The following NPAS2 variants were observed in gnomAD, a reference collection of about 807,000 sequenced individuals.
NPAS2 encodes the protein neuronal PAS domain protein 2, also known as neuronal PAS domain-containing protein 2.
NPAS2 carries 23 observed loss-of-function variants against 107.5 expected under a neutral mutation model. The observed-to-expected ratio is 0.21, with a 90% confidence interval of 0.15 to 0.30. The LOEUF is 0.30. Among genes scored for constraint, NPAS2 ranks in the 10% least tolerant of loss-of-function variants. The probability of loss-of-function intolerance (pLI) is 1.00; values close to 1 mark genes in which losing one functional copy is unlikely to be tolerated. For synonymous variants in NPAS2, 403 were observed against 417.5 expected (o/e 0.97, Z 0.42); for missense variants, 756 against 1,043.3 (o/e 0.72, Z 3.79).
intron 1 of NPAS2, among the ~76,000 whole-genome samples, chr2:100,831,084 G>A (rs1175325359): frequency 6.6e-6 from 1 of 152,094 alleles, no homozygotes; most frequent in African/African-American, 2.4e-5. Flanking sequence ...TGGATCACCT[G>A]AGGTCAGGAG....
intron 1 of NPAS2, among the ~76,000 whole-genome samples, chr2:100,850,725 G>A (rs1678113858): frequency 6.6e-6 from 1 of 152,030 alleles, no homozygotes; most frequent in African/African-American, 2.4e-5. Flanking sequence ...GGCCGAGGTG[G>A]GAGGATCACT....
At chr2:100,952,139 A>G (rs1414845713) in intron 7 of NPAS2, among the ~76,000 whole-genome samples, 44 of 148,002 alleles carry the variant, frequency 3.0e-4, no homozygotes, top group African/African-American at 9.3e-4. Context: ...GCGACAGAGC[A>G]AGACTCTGTC....
chr2:100,975,345 A>C, intron 13 of NPAS2, 113 bp from the exon 14 acceptor site: 1 of 917,276 alleles, frequency 1.1e-6, no homozygotes, highest in Non-Finnish European at 1.7e-6. Context: ...TTCCTTTATC[A>C]GAGATCCCAA....
chr2:100,947,428 G>C (rs765445437), intron 5 of NPAS2, among the ~76,000 whole-genome samples: 2 of 152,006 alleles, frequency 1.3e-5, no homozygotes, highest in African/African-American at 4.8e-5. Flanking sequence ...GCAAACACCT[G>C]TAGTTTCAGC....
chr2:100,891,878 T>C (rs1345311005), intron 1 of NPAS2, among the ~76,000 whole-genome samples: 55 of 152,214 alleles, frequency 3.6e-4, no homozygotes, highest in Admixed American at 3.6e-3. Flanking sequence ...AACAGTTCCA[T>C]GGAGGGAGAT....
intron 1 of NPAS2, among the ~76,000 whole-genome samples, chr2:100,865,720 G>T (rs374913429): frequency 1.3e-5 from 2 of 152,288 alleles, no homozygotes; most frequent in South Asian, 4.1e-4. Context: ...GCACATGCAG[G>T]AAGTCATGCT....
At chr2:100,913,873 T>G (rs1218626204) in intron 2 of NPAS2, among the ~76,000 whole-genome samples, 1 of 152,206 alleles carries the variant, frequency 6.6e-6, no homozygotes, top group Non-Finnish European at 1.5e-5. Context: ...AAAGTATTCT[T>G]GGCACAGGGT....
chr2:100,947,172 G>A (rs1674946712), intron 5 of NPAS2, among the ~76,000 whole-genome samples: 1 of 152,174 alleles, frequency 6.6e-6, no homozygotes, highest in African/African-American at 2.4e-5. Context: ...AGAGAGAGGT[G>A]CCTGTCTCCT....
intron 3 of NPAS2, among the ~76,000 whole-genome samples, chr2:100,925,967 G>C (rs769665244): frequency 1.4e-4 from 22 of 151,976 alleles, no homozygotes; most frequent in South Asian, 1.0e-3. Context: ...CCAGATCCTG[G>C]CAACCACGAA....
rs559106889 is a variant in NPAS2, at chr2:100,990,906, C to A, written c.2111+34C>A. On this transcript the variant is annotated intron_variant, in intron 19 of 20. Transcript: ENST00000335681. ...ACCCTGGCGGGAGGCAGGAGGCAAG[C>A]GCTGGTGGAATGGTTCCAGGCTGGC... The A allele has an allele frequency of 2.1e-4, 324 of 1,579,872 alleles. 6 individuals are homozygous for A. In the South Asian group the frequency reaches 3.5e-3, roughly 17 times the overall value.
At chr2:100,974,155 T>C (rs935154586) in intron 12 of NPAS2, among the ~76,000 whole-genome samples, 2 of 152,164 alleles carry the variant, frequency 1.3e-5, no homozygotes, top group African/African-American at 4.8e-5. Flanking sequence ...ACCCAGCCCC[T>C]GTTTTCATGT....
intron 4 of NPAS2, chr2:100,934,001 A>G (rs1378641223): frequency 6.6e-6 from 1 of 152,254 alleles, no homozygotes; most frequent in Non-Finnish European, 1.5e-5. Context: ...CAGAAAACAG[A>G]AAGTACTGGA....
chr2:100,914,334 A>C (rs1682737759), intron 2 of NPAS2, among the ~76,000 whole-genome samples: 1 of 152,180 alleles, frequency 6.6e-6, no homozygotes, highest in Admixed American at 6.5e-5. Context: ...CTGCAAGTAC[A>C]ACCCTCCTCT....
rs780376403 is a variant in NPAS2, at chr2:100,995,585, C to T, written c.*3C>T. The T allele has an allele frequency of 6.2e-7, 1 of 1,602,776 alleles. No homozygotes were observed. The highest frequency in any genetic ancestry group is 2.2e-5 in the East Asian group (1 of 44,726). ...GCCTCCAGCAGCCGCCCCGATAATG[C>T]CCCGGCACTGAAGTCGGGACACAAT... On this transcript the variant is annotated 3_prime_UTR_variant, in exon 21 of 21. Transcript: ENST00000335681.
intron 20 of NPAS2, 123 bp from the exon 21 acceptor site, chr2:100,995,277 C>T: frequency 1.3e-6 from 1 of 791,120 alleles, no homozygotes; most frequent in Non-Finnish European, 2.0e-6. Context: ...CCCCACATGA[C>T]CCCCCAAGAA....
intron 1 of NPAS2, among the ~76,000 whole-genome samples, chr2:100,856,106 T>A (rs79564177): frequency 1.3e-5 from 2 of 152,218 alleles, no homozygotes; most frequent in Non-Finnish European, 2.9e-5. Flanking sequence ...TTGTCTAAAA[T>A]TGACATATTG....
chr2:100,975,416 A>G (rs1676918834), intron 13 of NPAS2, 42 bp from the exon 14 acceptor site: 3 of 1,548,324 alleles, frequency 1.9e-6, no homozygotes, highest in Non-Finnish European at 2.7e-6. Flanking sequence ...AGTACATGCT[A>G]AGTACATGGA....
intron 1 of NPAS2, among the ~76,000 whole-genome samples, chr2:100,901,192 A>G (rs192805305): frequency 6.6e-6 from 1 of 152,190 alleles, no homozygotes; most frequent in East Asian, 1.9e-4. Context: ...CAGTGTGGTT[A>G]CCTGAGGTGG....
chr2:100,887,994 G>A (rs1355296429), intron 1 of NPAS2, among the ~76,000 whole-genome samples: 2 of 152,252 alleles, frequency 1.3e-5, no homozygotes, highest in Non-Finnish European at 2.9e-5. Context: ...ACAGATGGCA[G>A]TCTTCTGAGT....
Sources: allele counts gnomAD v4.1 joint callset (sites outside exome capture counted in the v4.1 genomes callset), GRCh38; gene constraint gnomAD v4.1.1; transcripts MANE v1.5; gene names NCBI Gene and HGNC (gene_info 2026-07-23, HGNC 2026-07-21).